The following CEP63 variants were observed in gnomAD, a reference collection of about 807,000 sequenced individuals.
CEP63 encodes centrosomal protein of 63 kDa.
CEP63 carries 84 observed loss-of-function variants against 89.1 expected under a neutral mutation model. The ratio of observed to expected loss-of-function variants is 0.94; its 90% CI spans 0.79 to 1.13. The LOEUF is 1.13. Ranked by LOEUF, CEP63 falls within the 50% of genes most tolerant of loss-of-function variation. The pLI is 0.00. For missense variants in CEP63, 838 were observed against 813.3 expected (o/e 1.03, Z -0.37); for synonymous variants, 267 against 272.5 (o/e 0.98, Z 0.20).
At chr3:134,570,642 C>G (rs1957973334) in intron 11 of CEP63, among the ~76,000 whole-genome samples, 1 of 152,254 alleles carries the variant, frequency 6.6e-6, no homozygotes, top group Non-Finnish European at 1.5e-5. Flanking sequence ...TTCCTGTCTT[C>G]TTCTGAGCCC....
At chr3:134,500,493 C>G (rs1405675833) in intron 2 of CEP63, among the ~76,000 whole-genome samples, 1 of 152,148 alleles carries the variant, frequency 6.6e-6, no homozygotes, top group African/African-American at 2.4e-5. Context: ...TAGTCTCATT[C>G]TATTTTTAGT....
At chr3:134,703,733 A>AT in the CEP63 span, among the ~76,000 whole-genome samples, 7 of 152,194 alleles carry the variant, frequency 4.6e-5, no homozygotes, top group Non-Finnish European at 1.0e-4. Flanking sequence ...ACCATGGCAC[A>AT]TGTTTACCTA....
At chr3:134,725,512 T>C in the CEP63 span, among the ~76,000 whole-genome samples, 2 of 152,206 alleles carry the variant, frequency 1.3e-5, no homozygotes, top group Non-Finnish European at 2.9e-5. Context: ...GCACCAGTCC[T>C]AAGTTGCCAG....
the CEP63 span, among the ~76,000 whole-genome samples, chr3:134,766,300 G>T: frequency 6.6e-6 from 1 of 152,240 alleles, no homozygotes; most frequent in Non-Finnish European, 1.5e-5. Flanking sequence ...AGTCTCTGTG[G>T]CTGTGAGTCA....
At chr3:134,738,966 TAAA>T in the CEP63 span, among the ~76,000 whole-genome samples, 693 of 146,632 alleles carry the variant, frequency 4.7e-3, 2 homozygotes, top group African/African-American at 0.016. Context: ...ATGGCTATAA[TAAA>T]AAAAAAAAAA....
chr3:134,532,624 A>C, intron 4 of CEP63, 154 bp from the exon 5 acceptor site: 2 of 573,060 alleles, frequency 3.5e-6, no homozygotes, highest in Non-Finnish European at 3.0e-6. Flanking sequence ...TTACATATTT[A>C]ATTTTTAGTT....
chr3:134,771,353 C>A, the CEP63 span, among the ~76,000 whole-genome samples: 2 of 152,208 alleles, frequency 1.3e-5, no homozygotes, highest in African/African-American at 2.4e-5. Flanking sequence ...CAAACTAACA[C>A]AAGAACAGAA....
the CEP63 span, among the ~76,000 whole-genome samples, chr3:134,660,264 G>A: frequency 6.6e-6 from 1 of 152,392 alleles, no homozygotes; most frequent in East Asian, 1.9e-4. Context: ...GCGATGGAGG[G>A]ATGAGCGGCT....
At chr3:134,776,537 G>A in the CEP63 span, among the ~76,000 whole-genome samples, 1 of 152,220 alleles carries the variant, frequency 6.6e-6, no homozygotes, top group Admixed American at 6.5e-5. Flanking sequence ...TGTGTGAACA[G>A]AGAGGGGTTC....
chr3:134,564,799 T>A lies in CEP63; in HGVS notation c.*3264T>A. On this transcript the variant is annotated 3_prime_UTR_variant, in exon 15 of 15. Transcript: ENST00000675561. ...TAGACTGCAGCCCGTTTCTGAAACGTTTGTACTACGTGTTGACTAGGAGGA... is the reference window on the plus strand; with the variant it reads ...TAGACTGCAGCCCGTTTCTGAAACGATTGTACTACGTGTTGACTAGGAGGA... 1 of 985,414 alleles carries A rather than the reference T, an allele frequency of 1.0e-6. No homozygotes were observed. The highest frequency in any genetic ancestry group is 1.2e-6 in the Non-Finnish European group (1 of 829,920). The allele number at this position is 985,414 out of a possible 1,614,324, so 61.0% of individuals were successfully genotyped here. A position where few individuals can be genotyped will look rare whatever the true frequency, so the allele number is the denominator to read the frequency against.
chr3:134,693,050 C>T, the CEP63 span, among the ~76,000 whole-genome samples: 1 of 152,148 alleles, frequency 6.6e-6, no homozygotes, highest in Non-Finnish European at 1.5e-5. Context: ...ATCTTTTCTC[C>T]CCCTTTTCTT....
the CEP63 span, among the ~76,000 whole-genome samples, chr3:134,762,503 C>A: frequency 1.3e-5 from 2 of 152,042 alleles, no homozygotes; most frequent in South Asian, 2.1e-4. Context: ...TAGGTCTTTA[C>A]AAAGGTATTC....
At position 134,559,438 on chromosome 3, in the gene CEP63, A is replaced by G. The variant is rs750293748; in HGVS notation, c.1953+9A>G. 17 of 1,608,364 alleles carry G rather than the reference A, an allele frequency of 1.1e-5. No homozygotes were observed. The Admixed American group carries it at 1.2e-4, about 11-fold the overall frequency. ...AAGAGTTTATATCTTCGGTATGGAAACTTTCTGATCTTAGTAATTTGTTAG... is the reference window on the plus strand; with the variant it reads ...AAGAGTTTATATCTTCGGTATGGAAGCTTTCTGATCTTAGTAATTTGTTAG... On this transcript the variant is annotated intron_variant, in intron 14 of 14. Coordinates refer to ENST00000675561, the MANE Select transcript of CEP63 (RefSeq NM_001353108.3).
the CEP63 span, among the ~76,000 whole-genome samples, chr3:134,658,714 G>A: frequency 0.01 from 1,586 of 152,280 alleles, 13 homozygotes; most frequent in Non-Finnish European, 0.016. Flanking sequence ...AAGGTTAAAC[G>A]AGGACAAGAA....
rs764378454 is a variant in CEP63, at chr3:134,559,229, G to A, written c.1753G>A (p.Ala585Thr). ...AGATCTTCATTCTCCAAGAGGACAAGCGTCGGATAGTATAAACCCCATGTC... is the reference window on the plus strand; with the variant it reads ...AGATCTTCATTCTCCAAGAGGACAAACGTCGGATAGTATAAACCCCATGTC... ...KTDLHSPRGQ[A>T]SDSINPMSRV... Residue 585 changes from alanine to threonine, a missense_variant, in exon 14 of 15, where the codon GCG (alanine) becomes ACG (threonine). Coordinates refer to ENST00000675561, the MANE Select transcript of CEP63 (RefSeq NM_001353108.3). 2.5e-6 allele frequency: 4 copies of A among 1,614,176 alleles called. No homozygotes were observed. The highest frequency in any genetic ancestry group is 3.4e-6 in the Non-Finnish European group (4 of 1,180,018).
the CEP63 span, chr3:134,608,480 C>G: frequency 6.5e-7 from 1 of 1,537,252 alleles, no homozygotes; most frequent in Non-Finnish European, 8.7e-7. Context: ...CCTGGGCTGC[C>G]TCAGCAGCCT....
Position 134,559,207 on chromosome 3 carries a change from T to C in CEP63, c.1731T>C (p.Asp577=). 1 of 1,614,142 alleles carries C rather than the reference T, an allele frequency of 6.2e-7. No homozygotes were observed. Among genetic ancestry groups the C allele is most frequent in the Non-Finnish European group, 8.5e-7 (1 of 1,180,012 alleles). The change falls in exon 14 of 15, where the codon GAT becomes GAC. Residue 577 remains aspartate, a synonymous_variant. Transcript: ENST00000675561. ...TAAAGACTGAGCACTACAAAACAGA[T>C]CTTCATTCTCCAAGAGGACAAGCGT... is the stretch of plus-strand genomic sequence containing the variant. ...DGIKTEHYKT[D]LHSPRGQASD...
the CEP63 span, among the ~76,000 whole-genome samples, chr3:134,649,416 G>A: frequency 6.6e-6 from 1 of 152,186 alleles, no homozygotes; most frequent in South Asian, 2.1e-4. Context: ...GGGAGTAGGG[G>A]ACTCGTGGGC....
chr3:134,669,781 G>T, the CEP63 span, among the ~76,000 whole-genome samples: 1 of 152,066 alleles, frequency 6.6e-6, no homozygotes, highest in African/African-American at 2.4e-5. Flanking sequence ...TGGAATCTGG[G>T]GTATGGCAAA....
Sources: gnomAD v4.1 joint callset for allele counts (sites outside exome capture counted in the v4.1 genomes callset) on GRCh38, gnomAD v4.1.1 for gene constraint, MANE v1.5 for transcripts, NCBI Gene and HGNC (gene_info 2026-07-23, HGNC 2026-07-21) for gene names.